The following TPTE variants were observed in gnomAD, a reference collection of about 807,000 sequenced individuals.
TPTE encodes putative tyrosine-protein phosphatase TPTE.
In TPTE, 59 loss-of-function variants were observed where a neutral mutation model predicts 84.1. The observed-to-expected ratio is 0.70, with a 90% CI of 0.57 to 0.87. The LOEUF (loss-of-function observed/expected upper bound fraction) is 0.87, where lower values mean the gene tolerates loss of function less well. Ranked by LOEUF, TPTE falls within the 40% of genes least tolerant of loss-of-function variation. TPTE has a pLI of 0.00. For missense variants in TPTE, 382 were observed against 659.6 expected (o/e 0.58, Z 4.61); for synonymous variants, 130 against 223.5 (o/e 0.58, Z 3.73).
intron 5 of TPTE, among the ~76,000 whole-genome samples, chr21:10,541,506 A>G (rs202064210): frequency 0.016 from 2,351 of 151,440 alleles, no homozygotes; most frequent in East Asian, 0.15. Flanking sequence ...ACACACACAC[A>G]CACAAAACAG....
intron 20 of TPTE, among the ~76,000 whole-genome samples, chr21:10,596,462 T>G (rs1351216049): frequency 6.6e-6 from 1 of 152,310 alleles, no homozygotes. Flanking sequence ...CCACCTCTAG[T>G]TCAGAGTTTG....
At chr21:10,543,944 G>A (rs548202143) in intron 7 of TPTE, among the ~76,000 whole-genome samples, 1 of 152,426 alleles carries the variant, frequency 6.6e-6, no homozygotes, top group Admixed American at 6.5e-5. Context: ...ATGTGAGGTT[G>A]GTGCCTAGAC....
At chr21:10,535,095 C>A (rs1204618664) in intron 3 of TPTE, among the ~76,000 whole-genome samples, 1 of 152,308 alleles carries the variant, frequency 6.6e-6, no homozygotes. Flanking sequence ...TTTCTGGTTG[C>A]TGGCAATCTT....
intron 19 of TPTE, among the ~76,000 whole-genome samples, chr21:10,595,128 G>C (rs10439785): frequency 6.6e-5 from 10 of 152,136 alleles, no homozygotes; most frequent in South Asian, 2.1e-4. Flanking sequence ...CCACAACCTC[G>C]ACCTCTTGGG....
At chr21:10,550,769 A>T (rs113273290) in intron 7 of TPTE, among the ~76,000 whole-genome samples, 1,366 of 151,782 alleles carry the variant, frequency 9.0e-3, no homozygotes, top group African/African-American at 0.032. Flanking sequence ...AAACATGTAC[A>T]GAACATCTCA....
At chr21:10,591,078 C>G (rs1170960127) in intron 18 of TPTE, among the ~76,000 whole-genome samples, 4 of 152,308 alleles carry the variant, frequency 2.6e-5, no homozygotes, top group Admixed American at 6.5e-5. Context: ...ATCCTCACAA[C>G]TCTTAGGTAG....
intron 7 of TPTE, among the ~76,000 whole-genome samples, chr21:10,544,330 T>G (rs2074426035): frequency 6.6e-6 from 1 of 152,308 alleles, no homozygotes; most frequent in Admixed American, 6.5e-5. Flanking sequence ...AAATAAATTT[T>G]TAAAAGAATT....
chr21:10,555,498 G>A (rs112729690), intron 8 of TPTE, among the ~76,000 whole-genome samples: 1,137 of 151,876 alleles, frequency 7.5e-3, no homozygotes, highest in African/African-American at 0.02. Flanking sequence ...GAGCCACCGC[G>A]CCTGGCCGCT....
chr21:10,558,215 T>C (rs954687953), intron 8 of TPTE, among the ~76,000 whole-genome samples: 1 of 152,310 alleles, frequency 6.6e-6, no homozygotes, highest in African/African-American at 2.4e-5. Flanking sequence ...GCAGTGAACA[T>C]TCATATGCAT....
chr21:10,604,803 A>C (rs1328163890), intron 23 of TPTE, among the ~76,000 whole-genome samples: 1 of 152,128 alleles, frequency 6.6e-6, no homozygotes, highest in African/African-American at 2.4e-5. Flanking sequence ...GGTCACTTTT[A>C]TTCTTATTTT....
intron 14 of TPTE, among the ~76,000 whole-genome samples, chr21:10,571,755 C>T (rs2075047724): frequency 6.6e-6 from 1 of 152,310 alleles, no homozygotes; most frequent in Non-Finnish European, 1.5e-5. Flanking sequence ...CACCTGTTAT[C>T]CCAGCACTTT....
At chr21:10,531,788 C>T (rs1190646524) in intron 3 of TPTE, among the ~76,000 whole-genome samples, 1 of 152,306 alleles carries the variant, frequency 6.6e-6, no homozygotes, top group African/African-American at 2.4e-5. Flanking sequence ...TTCTAATCCT[C>T]ATAGTTTTAA....
rs557409123 is a variant in TPTE, at chr21:10,534,950, A to G, written c.-43-3731A>G. Among the ~76,000 whole-genome samples, 4 of 152,428 alleles carry G rather than the reference A, an allele frequency of 2.6e-5. No individual in the cohort carries two copies. In the East Asian group the frequency reaches 7.7e-4, roughly 29 times the overall value. On this transcript the variant is annotated intron_variant, in intron 3 of 23. Coordinates refer to ENST00000618007, the MANE Select transcript of TPTE (RefSeq NM_199261.4). The stretch of plus-strand genomic sequence containing the variant: ...TAGGGCTGCTTTAAAAAAGTATCAC[A>G]AACCAAGTGGCTTAAACAAAAATTA...
At chr21:10,555,104 T>TA (rs1271337463) in intron 8 of TPTE, among the ~76,000 whole-genome samples, 2 of 152,308 alleles carry the variant, frequency 1.3e-5, no homozygotes, top group Non-Finnish European at 1.5e-5. Context: ...CTTCTATTGA[T>TA]AAAAAATGAG....
At chr21:10,585,232 A>G (rs1428792737) in intron 17 of TPTE, among the ~76,000 whole-genome samples, 1 of 151,680 alleles carries the variant, frequency 6.6e-6, no homozygotes, top group Non-Finnish European at 1.5e-5. Context: ...TCTGTCTCAA[A>G]AAATGAAACA....
intron 14 of TPTE, among the ~76,000 whole-genome samples, chr21:10,577,081 C>T (rs1376478392): frequency 6.6e-6 from 1 of 152,308 alleles, no homozygotes; most frequent in Non-Finnish European, 1.5e-5. Flanking sequence ...AGATCACTCT[C>T]TAAAGATGTA....
intron 6 of TPTE, 152 bp downstream of exon 6, chr21:10,542,600 C>G: frequency 1.8e-6 from 2 of 1,109,284 alleles, no homozygotes; most frequent in Non-Finnish European, 2.6e-6. Flanking sequence ...TTCATCCATC[C>G]ATCCATTCAT....
intron 7 of TPTE, among the ~76,000 whole-genome samples, chr21:10,545,775 A>G (rs1468538434): frequency 2.6e-5 from 4 of 151,712 alleles, no homozygotes; most frequent in Admixed American, 2.6e-4. Flanking sequence ...ACACATATCT[A>G]TATACATGTC....
intron 10 of TPTE, among the ~76,000 whole-genome samples, chr21:10,564,858 A>T (rs1215842708): frequency 6.6e-6 from 1 of 152,310 alleles, no homozygotes; most frequent in African/African-American, 2.4e-5. Context: ...CCTCAACTTA[A>T]TAAAAACCAT....
Sources: allele counts gnomAD v4.1 joint callset (sites outside exome capture counted in the v4.1 genomes callset), GRCh38; gene constraint gnomAD v4.1.1; transcripts MANE v1.5; gene names NCBI Gene and HGNC (gene_info 2026-07-23, HGNC 2026-07-21).